Variants in SKAP1 observed in about 807,000 individuals in gnomAD.
SKAP1 encodes the protein src kinase associated phosphoprotein 1.
Under a neutral mutation model 58.5 loss-of-function variants are expected in SKAP1, and 44 were observed. That is an observed-to-expected ratio of 0.75 (90% CI 0.59 to 0.97). SKAP1 has a LOEUF of 0.97. Ranked by LOEUF, SKAP1 falls within the 50% of genes least tolerant of loss-of-function variation. The pLI is 0.00. For synonymous variants in SKAP1, 127 were observed against 149.7 expected (o/e 0.85, Z 1.11); for missense variants, 390 against 435.2 (o/e 0.90, Z 0.92).
At chr17:48,425,876 T>A (rs1412141763) in intron 1 of SKAP1, among the ~76,000 whole-genome samples, 8 of 152,078 alleles carry the variant, frequency 5.3e-5, no homozygotes, top group African/African-American at 1.7e-4. Context: ...TGGCCAAACA[T>A]CCTAAACAAT....
chr17:48,338,440 C>T (rs959963244), intron 4 of SKAP1, among the ~76,000 whole-genome samples: 8 of 152,190 alleles, frequency 5.3e-5, no homozygotes, highest in South Asian at 2.1e-4. Flanking sequence ...GCATGAGTCA[C>T]CGCGCCTGAC....
chr17:48,380,639 C>A (rs1359859210), intron 2 of SKAP1, among the ~76,000 whole-genome samples: 2 of 152,052 alleles, frequency 1.3e-5, no homozygotes, highest in African/African-American at 4.8e-5. Flanking sequence ...GATGATGGGG[C>A]AGTTTTGGAA....
chr17:48,140,230 G>A (rs1236670547), intron 11 of SKAP1, among the ~76,000 whole-genome samples: 1 of 152,128 alleles, frequency 6.6e-6, no homozygotes, highest in Non-Finnish European at 1.5e-5. Flanking sequence ...CAAATTCCCT[G>A]AGCACTTCTC....
chr17:48,204,489 T>A (rs2064768848), intron 4 of SKAP1: 1 of 152,194 alleles, frequency 6.6e-6, no homozygotes, highest in South Asian at 2.1e-4. Flanking sequence ...CTAATGTATG[T>A]TATGGTCCTA....
In SKAP1 at chr17:48,345,180, T is replaced by C. The variant is rs183529799; in HGVS notation, c.280+725A>G. 8.5e-5 allele frequency among the ~76,000 whole-genome samples: 13 copies of C among 152,368 alleles called. No homozygotes were observed. The East Asian group carries it at 2.3e-3, about 27-fold the overall frequency. ...TCCCCACACTTGGGAAATCTAGGCC[T>C]GAGCCAGAAACTGGCAGCCATCAGG... On this transcript the variant is annotated intron_variant, in intron 4 of 12. Transcript: ENST00000336915.
chr17:48,432,794 C>T (rs2067926443), upstream of SKAP1, among the ~76,000 whole-genome samples: 1 of 152,210 alleles, frequency 6.6e-6, no homozygotes. Context: ...GATATGGTGT[C>T]ACATACTAAT....
chr17:48,156,759 T>G (rs1420667724), intron 11 of SKAP1, among the ~76,000 whole-genome samples: 2 of 152,210 alleles, frequency 1.3e-5, no homozygotes, highest in Non-Finnish European at 2.9e-5. Context: ...GGTTACTGTT[T>G]CAGAGTTTGG....
chr17:48,210,798 T>C (rs2064862331), intron 4 of SKAP1, among the ~76,000 whole-genome samples: 1 of 152,218 alleles, frequency 6.6e-6, no homozygotes, highest in African/African-American at 2.4e-5. Flanking sequence ...AGGAGGCCAC[T>C]TGTAGTCATT....
At chr17:48,245,226 T>G (rs972039112) in intron 4 of SKAP1, among the ~76,000 whole-genome samples, 1 of 152,230 alleles carries the variant, frequency 6.6e-6, no homozygotes, top group Non-Finnish European at 1.5e-5. Context: ...CTTGAATTTC[T>G]GGGATATAAG....
At chr17:48,243,720 A>C (rs757991019) in intron 4 of SKAP1, among the ~76,000 whole-genome samples, 1 of 152,206 alleles carries the variant, frequency 6.6e-6, no homozygotes, top group Non-Finnish European at 1.5e-5. Context: ...TAATATATAT[A>C]TAAAACAGGC....
rs143579551 is a variant in SKAP1, at chr17:48,202,735, T to G, written c.281-13235A>C. 9.9e-5 allele frequency among the ~76,000 whole-genome samples: 15 copies of G among 152,142 alleles called. No individual in the cohort carries two copies. The East Asian group carries it at 2.9e-3, about 29-fold the overall frequency. ...TAAAAACACTAAATCTCAATATCTA[T>G]TTGCACAGCTCATTAACTAAGGGCT... is the stretch of plus-strand genomic sequence containing the variant. On this transcript the variant is annotated intron_variant, in intron 4 of 12. Transcript: ENST00000336915.
chr17:48,207,439 T>C (rs1295465416), intron 4 of SKAP1, among the ~76,000 whole-genome samples: 3 of 148,722 alleles, frequency 2.0e-5, no homozygotes, highest in South Asian at 2.1e-4. Context: ...TGAGCTGAGA[T>C]TGCGCCACTA....
intron 11 of SKAP1, among the ~76,000 whole-genome samples, chr17:48,139,645 C>T (rs1010194281): frequency 2.6e-5 from 4 of 151,940 alleles, no homozygotes; most frequent in Non-Finnish European, 5.9e-5. Context: ...ATTCAGAGTC[C>T]CTAGCATTAT....
chr17:48,233,901 C>T (rs1461336063), intron 4 of SKAP1, among the ~76,000 whole-genome samples: 1 of 152,104 alleles, frequency 6.6e-6, no homozygotes, highest in African/African-American at 2.4e-5. Context: ...TACAAGCCAA[C>T]AGCTTCTCTC....
intron 4 of SKAP1, among the ~76,000 whole-genome samples, chr17:48,271,727 A>ACCC (rs2065635883): frequency 6.6e-6 from 1 of 152,054 alleles, no homozygotes; most frequent in Non-Finnish European, 1.5e-5. Flanking sequence ...AACTGTATTA[A>ACCC]AATAATTTTG....
chr17:48,186,609 C>A (rs1057217594), intron 6 of SKAP1, among the ~76,000 whole-genome samples: 1 of 152,156 alleles, frequency 6.6e-6, no homozygotes, highest in Admixed American at 6.5e-5. Context: ...CCTCAGCCTA[C>A]AGGCACATGC....
At chr17:48,237,275 T>G (rs575929584) in intron 4 of SKAP1, among the ~76,000 whole-genome samples, 2 of 152,266 alleles carry the variant, frequency 1.3e-5, no homozygotes, top group Non-Finnish European at 2.9e-5. Flanking sequence ...AGTTGTATCA[T>G]TATTCAATAT....
chr17:48,434,151 G>T (rs1197857739), upstream of SKAP1, among the ~76,000 whole-genome samples: 1 of 152,158 alleles, frequency 6.6e-6, no homozygotes, highest in African/African-American at 2.4e-5. Flanking sequence ...TCAGCCTCTC[G>T]GTCCCAACCC....
chr17:48,208,628 G>T (rs1358073094), intron 4 of SKAP1, among the ~76,000 whole-genome samples: 1 of 152,126 alleles, frequency 6.6e-6, no homozygotes, highest in Non-Finnish European at 1.5e-5. Flanking sequence ...AATTAGGGGA[G>T]GCTGCACTTA....
Sources: allele counts gnomAD v4.1 joint callset (sites outside exome capture counted in the v4.1 genomes callset), GRCh38; gene constraint gnomAD v4.1.1; transcripts MANE v1.5; gene names NCBI Gene and HGNC (gene_info 2026-07-23, HGNC 2026-07-21).